Variants in SORCS2 observed in about 807,000 individuals in gnomAD.
The protein encoded by SORCS2 is VPS10 domain-containing receptor SorCS2.
A neutral mutation model predicts 141.6 loss-of-function variants in SORCS2; 100 were observed. That is an observed-to-expected ratio of 0.71 (90% CI 0.60 to 0.83). SORCS2 has a LOEUF of 0.83. SORCS2 is among the 40% of genes least tolerant of loss of function. SORCS2 has a pLI of 0.00. For missense variants in SORCS2, 1,646 were observed against 1,560.2 expected, an observed-to-expected ratio of 1.05 and a Z score of -0.93; for synonymous variants, 789 against 676.9, an observed-to-expected ratio of 1.17 and a Z score of -2.57.
At chr4:7,728,921 G>A (rs1727413328) in intron 22 of SORCS2, among the ~76,000 whole-genome samples, 1 of 152,208 alleles carries the variant, frequency 6.6e-6, no homozygotes, top group Admixed American at 6.5e-5. Flanking sequence ...CAAGGCCCTT[G>A]GCCCCCAAGT....
chr4:7,266,071 A>C (rs1714706911), intron 1 of SORCS2, among the ~76,000 whole-genome samples: 1 of 151,566 alleles, frequency 6.6e-6, no homozygotes, highest in African/African-American at 2.4e-5. Flanking sequence ...CTGACCCTAA[A>C]TTTCCCTTTT....
At chr4:7,416,644 A>G (rs1285918969) in intron 2 of SORCS2, among the ~76,000 whole-genome samples, 1 of 150,038 alleles carries the variant, frequency 6.7e-6, no homozygotes, top group African/African-American at 2.5e-5. Context: ...ACACACAAGC[A>G]CACACATGCA....
chr4:7,502,468 T>C (rs573713573), intron 2 of SORCS2, among the ~76,000 whole-genome samples: 2 of 152,272 alleles, frequency 1.3e-5, no homozygotes, highest in Admixed American at 6.5e-5. Flanking sequence ...ATGGGGACAT[T>C]CAAGGGTCTG....
intron 3 of SORCS2, among the ~76,000 whole-genome samples, chr4:7,559,495 C>A (rs1206782325): frequency 6.6e-6 from 1 of 152,138 alleles, no homozygotes; most frequent in Non-Finnish European, 1.5e-5. Context: ...CTTGGACAGA[C>A]AGGAGCTGAT....
At chr4:7,334,340 C>G (rs1719851456) in intron 1 of SORCS2, among the ~76,000 whole-genome samples, 1 of 152,178 alleles carries the variant, frequency 6.6e-6, no homozygotes, top group South Asian at 2.1e-4. Context: ...ACCTGGCGCT[C>G]CCCTACACTC....
intron 1 of SORCS2, among the ~76,000 whole-genome samples, chr4:7,388,093 C>T (rs1402168556): frequency 1.4e-5 from 2 of 142,726 alleles, no homozygotes; most frequent in East Asian, 4.5e-4. Flanking sequence ...CACATGCACA[C>T]ACATGCATGC....
At chr4:7,580,830 G>T (rs967675662) in intron 3 of SORCS2, among the ~76,000 whole-genome samples, 2 of 152,150 alleles carry the variant, frequency 1.3e-5, no homozygotes, top group African/African-American at 4.8e-5. Flanking sequence ...GTGCATCTCA[G>T]TTTTAGGGGG....
chr4:7,455,874 G>T (rs1728875903), intron 2 of SORCS2, among the ~76,000 whole-genome samples: 1 of 152,204 alleles, frequency 6.6e-6, no homozygotes, highest in African/African-American at 2.4e-5. Flanking sequence ...CACATGCTGT[G>T]CTGGTATCAG....
intron 2 of SORCS2, among the ~76,000 whole-genome samples, chr4:7,524,527 G>GT (rs1357813564): frequency 1.3e-5 from 2 of 151,784 alleles, no homozygotes; most frequent in South Asian, 2.1e-4. Flanking sequence ...GTTGAGTCTT[G>GT]TTGCTTGCAC....
At chr4:7,414,307 C>G (rs544789935) in intron 2 of SORCS2, among the ~76,000 whole-genome samples, 3 of 152,228 alleles carry the variant, frequency 2.0e-5, no homozygotes, top group Admixed American at 2.0e-4. Flanking sequence ...CCCGTCCTAC[C>G]CCCGGGCATG....
chr4:7,688,708 C>T (rs1218115679), intron 10 of SORCS2, among the ~76,000 whole-genome samples: 1 of 122,946 alleles, frequency 8.1e-6, no homozygotes, highest in Admixed American at 8.9e-5. Flanking sequence ...AGTTCCCTGA[C>T]TTGGGGAAAT....
chr4:7,418,318 G>A (rs951871677), intron 2 of SORCS2, among the ~76,000 whole-genome samples: 18 of 152,304 alleles, frequency 1.2e-4, no homozygotes, highest in African/African-American at 2.9e-4. Flanking sequence ...GAAGTGCTGC[G>A]GAAGTGCACG....
intron 4 of SORCS2, among the ~76,000 whole-genome samples, chr4:7,639,526 TGTG>T (rs1284496626): frequency 1.1e-4 from 8 of 76,074 alleles, no homozygotes; most frequent in African/African-American, 1.4e-4. Context: ...GTTTGTGGGA[TGTG>T]GGGGGGTGTT....
chr4:7,474,408 T>C (rs971275935), intron 2 of SORCS2, among the ~76,000 whole-genome samples: 1 of 152,260 alleles, frequency 6.6e-6, no homozygotes, highest in East Asian at 1.9e-4. Context: ...GGAGCTCTTA[T>C]GCAAATGTCA....
At chr4:7,519,900 C>T (rs997387813) in intron 2 of SORCS2, among the ~76,000 whole-genome samples, 9 of 152,228 alleles carry the variant, frequency 5.9e-5, no homozygotes, top group African/African-American at 1.7e-4. Flanking sequence ...TCCTGGGCTC[C>T]CCTGTTAAGC....
intron 21 of SORCS2, among the ~76,000 whole-genome samples, chr4:7,727,467 CCAA>C (rs1446363538): frequency 6.6e-6 from 1 of 151,928 alleles, no homozygotes; most frequent in Admixed American, 6.6e-5. Flanking sequence ...CTCATTGCCA[CCAA>C]CATCACAGCA....
intron 9 of SORCS2, 78 bp downstream of exon 9, chr4:7,676,307 C>A: frequency 2.1e-6 from 3 of 1,425,600 alleles, no homozygotes; most frequent in East Asian, 5.0e-5. Context: ...TCTTCCTCCC[C>A]CCTCCCCTCC....
chr4:7,720,609 A>G (rs1407091915), intron 18 of SORCS2, among the ~76,000 whole-genome samples: 2 of 152,214 alleles, frequency 1.3e-5, no homozygotes, highest in Non-Finnish European at 2.9e-5. Flanking sequence ...CCACATATCC[A>G]ACAAGGACCA....
chr4:7,597,041 T>C (rs996064897), intron 3 of SORCS2, among the ~76,000 whole-genome samples: 2 of 151,790 alleles, frequency 1.3e-5, no homozygotes, highest in African/African-American at 4.8e-5. Context: ...GCCTGGGGGC[T>C]GGCTTCCTCC....
Sources: allele counts gnomAD v4.1 joint callset (sites outside exome capture counted in the v4.1 genomes callset), GRCh38; gene constraint gnomAD v4.1.1; transcripts MANE v1.5; gene names NCBI Gene and HGNC (gene_info 2026-07-23, HGNC 2026-07-21).